TASP1: variants seen among roughly 807,000 people sequenced by gnomAD.
The protein encoded by TASP1 is threonine aspartase 1.
TASP1 carries 16 observed loss-of-function variants against 56.6 expected under a neutral mutation model. That is an observed-to-expected ratio of 0.28 (90% CI 0.19 to 0.43). TASP1 has a LOEUF of 0.43. Among genes scored for constraint, TASP1 ranks in the 20% least tolerant of loss-of-function variants. The pLI, the probability that TASP1 is intolerant of heterozygous loss-of-function variation, is 1.00. For synonymous variants in TASP1, 179 were observed against 184.2 expected (o/e 0.97, Z 0.23); for missense variants, 393 against 511.6 (o/e 0.77, Z 2.24).
chr20:13,576,634 C>T (rs4814246), intron 6 of TASP1, among the ~76,000 whole-genome samples: 7 of 151,828 alleles, frequency 4.6e-5, no homozygotes, highest in Non-Finnish European at 1.5e-5. Flanking sequence ...CAGTTGGGAG[C>T]GTTTAAAAAT....
downstream of TASP1, among the ~76,000 whole-genome samples, chr20:13,386,900 C>G (rs547379232): frequency 1.3e-5 from 2 of 152,230 alleles, no homozygotes; most frequent in African/African-American, 4.8e-5. Context: ...TCAGGGGGTA[C>G]GTGTGCAGGT....
intron 10 of TASP1, among the ~76,000 whole-genome samples, chr20:13,504,220 A>G (rs945863857): frequency 2.6e-5 from 4 of 152,162 alleles, no homozygotes; most frequent in African/African-American, 9.6e-5. Flanking sequence ...GGCTCATCAC[A>G]TACAAGAAAA....
At chr20:13,407,321 A>G (rs1026206680) in intron 13 of TASP1, among the ~76,000 whole-genome samples, 2 of 152,222 alleles carry the variant, frequency 1.3e-5, no homozygotes, top group African/African-American at 4.8e-5. Context: ...AAACAAAATC[A>G]TACACTATGT....
chr20:13,516,119 G>C (rs898337341), intron 10 of TASP1, among the ~76,000 whole-genome samples: 2 of 152,012 alleles, frequency 1.3e-5, no homozygotes, highest in Non-Finnish European at 2.9e-5. Context: ...AATTTCCTGA[G>C]CTGAAAAGAA....
the TASP1 span, among the ~76,000 whole-genome samples, chr20:13,187,676 A>G: frequency 7.8e-6 from 1 of 128,930 alleles, no homozygotes; most frequent in Non-Finnish European, 1.6e-5. Flanking sequence ...TGAACCTGGG[A>G]GGCGGAGGTT....
chr20:13,270,147 G>T, the TASP1 span, among the ~76,000 whole-genome samples: 1 of 152,184 alleles, frequency 6.6e-6, no homozygotes. Context: ...AGCCAAGGTG[G>T]TTAATCAGTT....
chr20:13,580,985 TA>T lies in TASP1; in HGVS notation c.404-5del, dbSNP rs71334133. 0.07 allele frequency: 99,223 copies of T among 1,418,182 alleles called. 206 individuals are homozygous for T. The highest frequency in any genetic ancestry group is 0.15 in the African/African-American group (9,568 of 65,550). 87.8% of individuals were successfully genotyped at this position (1,418,182 alleles called of 1,614,324 possible). On this transcript the variant is annotated splice_region_variant and splice_polypyrimidine_tract_variant and intron_variant, in intron 5 of 13. Transcript: ENST00000337743. ...ACCGAGACTGGGTTCTTGATTCCTA[TA>T]AAAAAAAAAAAAAAATTGGCAAAAA...
intron 10 of TASP1, among the ~76,000 whole-genome samples, chr20:13,488,608 T>A (rs2043411881): frequency 6.6e-6 from 1 of 152,192 alleles, no homozygotes; most frequent in Non-Finnish European, 1.5e-5. Flanking sequence ...CTTGCTGAAT[T>A]TAATATTTAT....
intron 10 of TASP1, among the ~76,000 whole-genome samples, chr20:13,487,862 T>A (rs1241238438): frequency 6.6e-6 from 1 of 152,196 alleles, no homozygotes; most frequent in Non-Finnish European, 1.5e-5. Flanking sequence ...TTTCTTTCTA[T>A]AAAATCTTCT....
intron 9 of TASP1, among the ~76,000 whole-genome samples, chr20:13,530,460 T>G (rs1049690389): frequency 6.6e-6 from 1 of 152,218 alleles, no homozygotes; most frequent in Non-Finnish European, 1.5e-5. Flanking sequence ...ACTATTCAAC[T>G]GGTACTCCCT....
intron 11 of TASP1, among the ~76,000 whole-genome samples, chr20:13,462,264 T>G (rs890638756): frequency 2.0e-5 from 3 of 152,178 alleles, no homozygotes; most frequent in African/African-American, 7.2e-5. Flanking sequence ...TTCATTATCC[T>G]GTAGTCATAT....
chr20:13,204,414 A>G, the TASP1 span, among the ~76,000 whole-genome samples: 1 of 152,136 alleles, frequency 6.6e-6, no homozygotes, highest in Non-Finnish European at 1.5e-5. Context: ...CTGGGCATGG[A>G]AATATTACTG....
chr20:13,534,931 T>C (rs899438335), intron 8 of TASP1, among the ~76,000 whole-genome samples: 1 of 152,086 alleles, frequency 6.6e-6, no homozygotes, highest in Non-Finnish European at 1.5e-5. Flanking sequence ...AAAAAATTCA[T>C]GGAAAAAGAA....
intron 10 of TASP1, among the ~76,000 whole-genome samples, chr20:13,519,664 C>T (rs927147885): frequency 2.0e-5 from 3 of 152,022 alleles, no homozygotes; most frequent in East Asian, 1.9e-4. Context: ...CAGCCAATAT[C>T]GTACTGAATG....
chr20:13,183,699 A>G, the TASP1 span, among the ~76,000 whole-genome samples: 282 of 152,342 alleles, frequency 1.9e-3, 1 homozygote, highest in African/African-American at 6.4e-3. Flanking sequence ...ATGGCAGATT[A>G]TCAAGCAATA....
At chr20:13,176,859 A>T in the TASP1 span, among the ~76,000 whole-genome samples, 2 of 152,198 alleles carry the variant, frequency 1.3e-5, no homozygotes, top group East Asian at 1.9e-4. Flanking sequence ...TCCCACGTAC[A>T]ATCGCTACCA....
chr20:13,164,545 C>T, the TASP1 span: 4 of 583,070 alleles, frequency 6.9e-6, no homozygotes, highest in Admixed American at 3.0e-5. Context: ...TGGAGTTAGA[C>T]CACTAAATAA....
At chr20:13,183,812 G>C in the TASP1 span, among the ~76,000 whole-genome samples, 1 of 152,006 alleles carries the variant, frequency 6.6e-6, no homozygotes. Context: ...GGCGGATCAC[G>C]AGGTCAGGAG....
the TASP1 span, among the ~76,000 whole-genome samples, chr20:13,320,868 A>T: frequency 6.6e-6 from 1 of 152,198 alleles, no homozygotes; most frequent in African/African-American, 2.4e-5. Flanking sequence ...GAACGTAGTC[A>T]TATGGCCACA....
Sources: gnomAD v4.1 joint callset for allele counts (sites outside exome capture counted in the v4.1 genomes callset) on GRCh38, gnomAD v4.1.1 for gene constraint, MANE v1.5 for transcripts, NCBI Gene and HGNC (gene_info 2026-07-23, HGNC 2026-07-21) for gene names.